Variants in SLC8A1 observed in about 807,000 individuals in gnomAD.
SLC8A1 encodes solute carrier family 8 member A1, also known as sodium/calcium exchanger 1.
A neutral mutation model predicts 68.3 loss-of-function variants in SLC8A1; 18 were observed. The observed-to-expected ratio is 0.26, with a 90% CI of 0.18 to 0.39. The LOEUF (loss-of-function observed/expected upper bound fraction) is 0.39. SLC8A1 is among the 10% of genes least tolerant of loss of function. The pLI is 1.00. For synonymous variants in SLC8A1, 475 were observed against 415.5 expected (o/e 1.14, Z -1.74); for missense variants, 985 against 1,156.7 (o/e 0.85, Z 2.15).
intron 2 of SLC8A1, among the ~76,000 whole-genome samples, chr2:40,406,875 A>G (rs1183489747): frequency 6.6e-6 from 1 of 152,126 alleles, no homozygotes; most frequent in Non-Finnish European, 1.5e-5. Context: ...CATTCCCCCT[A>G]TCTACGTCAC....
intron 1 of SLC8A1, among the ~76,000 whole-genome samples, chr2:40,463,887 C>CACACACACACACACACACAT (rs796954298): frequency 6.4e-5 from 7 of 108,604 alleles, no homozygotes; most frequent in Admixed American, 9.7e-5. Context: ...CACACACACA[C>CACACACACACACACACACAT]ATATATATAT....
chr2:40,195,968 G>T (rs1386870592), intron 2 of SLC8A1: 3 of 151,948 alleles, frequency 2.0e-5, no homozygotes, highest in African/African-American at 7.2e-5. Context: ...CGGGGAGAAA[G>T]GGAGACCGAG....
chr2:40,455,899 T>C (rs1186397469), upstream of SLC8A1, among the ~76,000 whole-genome samples: 2 of 152,180 alleles, frequency 1.3e-5, no homozygotes, highest in Non-Finnish European at 2.9e-5. Context: ...AGACTCACAG[T>C]CACAACTCTC....
At chr2:40,496,727 C>G (rs1313831594) in intron 1 of SLC8A1, among the ~76,000 whole-genome samples, 1 of 151,796 alleles carries the variant, frequency 6.6e-6, no homozygotes, top group African/African-American at 2.4e-5. Context: ...AGTTACTCAC[C>G]CACAGCCTAC....
chr2:40,382,795 A>T (rs1219615537), intron 2 of SLC8A1, among the ~76,000 whole-genome samples: 1 of 152,138 alleles, frequency 6.6e-6, no homozygotes. Flanking sequence ...GTACATTTAT[A>T]TGTTTTAGTT....
At chr2:40,415,207 G>C (rs968895138) in intron 2 of SLC8A1, among the ~76,000 whole-genome samples, 1 of 152,148 alleles carries the variant, frequency 6.6e-6, no homozygotes, top group African/African-American at 2.4e-5. Context: ...GGAAGTCTCA[G>C]GGCTGGAGAG....
chr2:40,158,296 T>G (rs2044981652), intron 6 of SLC8A1, among the ~76,000 whole-genome samples: 1 of 152,186 alleles, frequency 6.6e-6, no homozygotes, highest in African/African-American at 2.4e-5. Flanking sequence ...CTTTAGACAG[T>G]TAAATTTAAT....
intron 2 of SLC8A1, among the ~76,000 whole-genome samples, chr2:40,342,134 G>A (rs1229823917): frequency 1.3e-5 from 2 of 152,028 alleles, no homozygotes; most frequent in African/African-American, 4.8e-5. Flanking sequence ...AAATTTGCCT[G>A]GTAGAGATAC....
intron 2 of SLC8A1, among the ~76,000 whole-genome samples, chr2:40,308,700 G>T: frequency 6.6e-6 from 1 of 152,112 alleles, no homozygotes; most frequent in East Asian, 1.9e-4. Context: ...TGGGCTCGCA[G>T]TTATTTCCAA....
At chr2:40,331,981 CT>C (rs1311084771) in intron 2 of SLC8A1, among the ~76,000 whole-genome samples, 1 of 151,920 alleles carries the variant, frequency 6.6e-6, no homozygotes, top group Non-Finnish European at 1.5e-5. Context: ...TTACAGTGAG[CT>C]ATGATCGCAC....
intron 2 of SLC8A1, among the ~76,000 whole-genome samples, chr2:40,250,143 C>G (rs1338701645): frequency 6.6e-6 from 1 of 152,006 alleles, no homozygotes; most frequent in Non-Finnish European, 1.5e-5. Flanking sequence ...AACGTGTTAG[C>G]AGAATAAAAG....
chr2:40,312,172 C>T (rs2073800127), intron 2 of SLC8A1, among the ~76,000 whole-genome samples: 1 of 152,122 alleles, frequency 6.6e-6, no homozygotes. Context: ...AGGAACATCA[C>T]CTCAATAAGC....
chr2:40,212,262 TA>T (rs1456650449), intron 2 of SLC8A1, among the ~76,000 whole-genome samples: 1 of 142,894 alleles, frequency 7.0e-6, no homozygotes, highest in African/African-American at 2.6e-5. Context: ...TTCCAGGTGC[TA>T]AACAGAAGAG....
chr2:40,241,683 A>G (rs2061241530), intron 2 of SLC8A1, among the ~76,000 whole-genome samples: 1 of 152,080 alleles, frequency 6.6e-6, no homozygotes, highest in South Asian at 2.1e-4. Flanking sequence ...AAGGTGGTCC[A>G]TCTAATCCCA....
chr2:40,245,163 C>G (rs2061695715), intron 2 of SLC8A1, among the ~76,000 whole-genome samples: 1 of 124,940 alleles, frequency 8.0e-6, no homozygotes, highest in Non-Finnish European at 1.7e-5. Flanking sequence ...CATTCCCACT[C>G]CAGTGGACTC....
intron 3 of SLC8A1, among the ~76,000 whole-genome samples, chr2:40,177,042 A>C (rs897529974): frequency 8.4e-5 from 5 of 59,846 alleles, no homozygotes; most frequent in African/African-American, 1.6e-4. Flanking sequence ...CACTACTTTT[A>C]TTTTTTCTTT....
At chr2:40,302,816 A>G (rs1266022208) in intron 2 of SLC8A1, among the ~76,000 whole-genome samples, 2 of 152,158 alleles carry the variant, frequency 1.3e-5, no homozygotes, top group East Asian at 3.9e-4. Context: ...GAATCTCCAC[A>G]CTGTTTTCCA....
intron 2 of SLC8A1, among the ~76,000 whole-genome samples, chr2:40,331,424 T>C (rs2076394535): frequency 6.6e-6 from 1 of 152,134 alleles, no homozygotes; most frequent in African/African-American, 2.4e-5. Flanking sequence ...TATGACCCAC[T>C]TTAATGTATA....
chr2:40,327,475 A>G (rs984212426), intron 2 of SLC8A1, among the ~76,000 whole-genome samples: 6 of 152,222 alleles, frequency 3.9e-5, no homozygotes, highest in Non-Finnish European at 8.8e-5. Flanking sequence ...ATAGCTTTTT[A>G]AAAAACGTTG....
Sources: allele counts gnomAD v4.1 joint callset (sites outside exome capture counted in the v4.1 genomes callset), GRCh38; gene constraint gnomAD v4.1.1; transcripts MANE v1.5; gene names NCBI Gene and HGNC (gene_info 2026-07-23, HGNC 2026-07-21).